METAP1: variants seen among roughly 807,000 people sequenced by gnomAD.
METAP1 encodes methionyl aminopeptidase 1.
In METAP1, 28 loss-of-function variants were observed where a neutral mutation model predicts 53.8. The observed-to-expected ratio is 0.52, with a 90% CI of 0.39 to 0.71. The LOEUF is 0.71. Ranked by LOEUF, METAP1 falls within the 30% of genes least tolerant of loss-of-function variation. METAP1 has a pLI of 0.00. For missense variants in METAP1, 389 were observed against 479.8 expected (o/e 0.81, Z 1.77); for synonymous variants, 181 against 165.7 (o/e 1.09, Z -0.71).
chr4:99,031,425 A>G, intron 2 of METAP1: 2 of 1,269,746 alleles, frequency 1.6e-6, no homozygotes, highest in Non-Finnish European at 1.0e-6. Context: ...TAAAAGCCGC[A>G]TTTAATAAAA....
chr4:99,032,216 TTTTTG>T (rs1245065169), intron 2 of METAP1, among the ~76,000 whole-genome samples: 20 of 152,080 alleles, frequency 1.3e-4, no homozygotes, highest in Non-Finnish European at 1.9e-4. Flanking sequence ...ATTCGTTTTT[TTTTTG>T]TTTTGTTTTG....
At chr4:99,051,772 A>G (rs887623281) in intron 9 of METAP1, among the ~76,000 whole-genome samples, 22 of 151,688 alleles carry the variant, frequency 1.5e-4, no homozygotes, top group African/African-American at 5.1e-4. Flanking sequence ...TAAACTATTG[A>G]GGGTTTTTTT....
At chr4:99,056,407 T>TG (rs1727120979) in intron 9 of METAP1, among the ~76,000 whole-genome samples, 1 of 152,212 alleles carries the variant, frequency 6.6e-6, no homozygotes, top group South Asian at 2.1e-4. Context: ...ATTGTTGTAT[T>TG]GCTCATGATG....
At chr4:99,005,493 A>G (rs1386552794) in intron 1 of METAP1, among the ~76,000 whole-genome samples, 2 of 152,338 alleles carry the variant, frequency 1.3e-5, no homozygotes, top group South Asian at 2.1e-4. Flanking sequence ...AGATGTTGGC[A>G]TGGATGTGAT....
chr4:99,042,861 T>G (rs1234421523), intron 6 of METAP1, among the ~76,000 whole-genome samples: 2 of 152,130 alleles, frequency 1.3e-5, no homozygotes, highest in Non-Finnish European at 2.9e-5. Flanking sequence ...AATATTTGTA[T>G]TATACGTAAC....
intron 9 of METAP1, among the ~76,000 whole-genome samples, chr4:99,055,534 A>T (rs564116038): frequency 6.6e-6 from 1 of 152,344 alleles, no homozygotes; most frequent in African/African-American, 2.4e-5. Flanking sequence ...TTTAAAAAGT[A>T]CCTAAGAGTG....
Position 98,995,721 on chromosome 4 carries a change from C to G in METAP1, c.-33C>G. The G allele has an allele frequency of 1.3e-6, 2 of 1,525,716 alleles. No homozygotes were observed. The highest frequency in any genetic ancestry group is 1.8e-6 in the Non-Finnish European group (2 of 1,126,704). 94.5% of individuals were successfully genotyped at this position (1,525,716 alleles called of 1,614,324 possible). ...TCCTCCCTCCCGCCGCCGCCTCTTC[C>G]TCGGTGAGGCGCTCTTCCAGCGGGC... is the stretch of plus-strand genomic sequence containing the variant. On this transcript the variant is annotated 5_prime_UTR_variant, in exon 1 of 11. Coordinates refer to ENST00000296411, the MANE Select transcript of METAP1 (RefSeq NM_015143.3).
At chr4:99,053,040 C>T (rs757501998) in intron 9 of METAP1, among the ~76,000 whole-genome samples, 2 of 152,192 alleles carry the variant, frequency 1.3e-5, no homozygotes, top group African/African-American at 4.8e-5. Context: ...CAGCAATCCA[C>T]TCACATCCTC....
chr4:99,022,720 G>A, intron 1 of METAP1: 3 of 1,538,626 alleles, frequency 1.9e-6, no homozygotes, highest in Non-Finnish European at 2.7e-6. Context: ...GGTCATAATG[G>A]GAGGGGCTGC....
At position 99,048,761 on chromosome 4, in the gene METAP1, G is replaced by A; in HGVS notation, c.816G>A (p.Leu272=). The change falls in exon 9 of 11, where the codon TTG becomes TTA. Residue 272 remains leucine, a synonymous_variant. Coordinates refer to ENST00000296411, the MANE Select transcript of METAP1 (RefSeq NM_015143.3). ...AGCCTGGTGTTCGGTACAGAGAATT[G>A]GGAAACATTATCCAGAAGCATGCCC... ...AVKPGVRYRE[L]GNIIQKHAQA... The A allele has an allele frequency of 6.2e-7, 1 of 1,613,890 alleles. No homozygotes were observed. Among genetic ancestry groups the A allele is most frequent in the Admixed American group, 1.7e-5 (1 of 60,002 alleles).
At chr4:99,048,262 ACTTTACCAATTACTGG>A (rs1726417736) in intron 8 of METAP1, among the ~76,000 whole-genome samples, 1 of 152,174 alleles carries the variant, frequency 6.6e-6, no homozygotes, top group South Asian at 2.1e-4. Flanking sequence ...TTGAATTAGA[ACTTTACCAATTACTGG>A]CTGTTTGGCC....
chr4:99,034,374 C>A, intron 3 of METAP1, 32 bp downstream of exon 3: 2 of 1,275,566 alleles, frequency 1.6e-6, no homozygotes, highest in South Asian at 1.3e-5. Context: ...AACAACATTC[C>A]AATTTTGAAT....
intron 1 of METAP1, among the ~76,000 whole-genome samples, chr4:99,028,591 A>T (rs1178852728): frequency 1.3e-5 from 2 of 152,166 alleles, no homozygotes; most frequent in African/African-American, 4.8e-5. Context: ...ATACTTCGTA[A>T]TAGTTTGTTG....
At chr4:99,012,505 C>T (rs910922403) in intron 1 of METAP1, among the ~76,000 whole-genome samples, 17 of 152,046 alleles carry the variant, frequency 1.1e-4, no homozygotes, top group East Asian at 1.9e-4. Context: ...GAACTGCTGA[C>T]GTCAGGTGAT....
chr4:99,010,824 G>C (rs1184034996), intron 1 of METAP1, among the ~76,000 whole-genome samples: 3 of 152,032 alleles, frequency 2.0e-5, no homozygotes, highest in Non-Finnish European at 4.4e-5. Context: ...TATTTGTGTT[G>C]CCTTTACTTG....
chr4:99,045,259 C>T lies in METAP1; in HGVS notation c.736C>T (p.Arg246Trp), dbSNP rs780951839. 21 of 1,613,648 alleles carry T rather than the reference C, an allele frequency of 1.3e-5. No individual in the cohort carries two copies. Among genetic ancestry groups the T allele is most frequent in the East Asian group, 6.7e-5 (3 of 44,882 alleles). Reference sequence around the variant, plus strand: ...TGTTGGAGAAGTGGATGATGGAGCACGGAAACTTGTTCAGACCACATATGA... The same window carrying T: ...TGTTGGAGAAGTGGATGATGGAGCATGGAAACTTGTTCAGACCACATATGA... ...FFVGEVDDGA[R>W]KLVQTTYECL... Residue 246 changes from arginine to tryptophan, a missense_variant, in exon 8 of 11, where the codon CGG becomes TGG. Physicochemically the swap from Arg to Trp is moderately radical, Grantham distance 101. Transcript: ENST00000296411.
intron 10 of METAP1, among the ~76,000 whole-genome samples, chr4:99,059,811 C>T (rs1727412517): frequency 6.6e-6 from 1 of 152,066 alleles, no homozygotes; most frequent in Admixed American, 6.6e-5. Context: ...TCTCTGGTTT[C>T]AACTCCTGTC....
chr4:99,031,971 A>G (rs1443023763), intron 2 of METAP1, among the ~76,000 whole-genome samples: 2 of 152,192 alleles, frequency 1.3e-5, no homozygotes, highest in Non-Finnish European at 2.9e-5. Context: ...TTTCAAAAAG[A>G]CTAGTTATTA....
chr4:99,024,300 G>A (rs1157977397), intron 1 of METAP1, among the ~76,000 whole-genome samples: 1 of 152,188 alleles, frequency 6.6e-6, no homozygotes, highest in African/African-American at 2.4e-5. Context: ...TTGCTCACTT[G>A]GAGAGCTCGG....
Sources: gnomAD v4.1 joint callset for allele counts (sites outside exome capture counted in the v4.1 genomes callset) on GRCh38, gnomAD v4.1.1 for gene constraint, MANE v1.5 for transcripts, NCBI Gene and HGNC (gene_info 2026-07-23, HGNC 2026-07-21) for gene names.